ANKRD42: variants seen among roughly 807,000 people sequenced by gnomAD.
The protein encoded by ANKRD42 is ankyrin repeat domain-containing protein 42.
Under a neutral mutation model 51.5 loss-of-function variants are expected in ANKRD42, and 43 were observed. The ratio of observed to expected loss-of-function variants is 0.83; its 90% CI spans 0.65 to 1.08. The LOEUF is 1.08. ANKRD42 is among the 50% of genes least tolerant of loss of function. ANKRD42 has a pLI of 0.00. For synonymous variants in ANKRD42, 203 were observed against 213.0 expected (o/e 0.95, Z 0.41); for missense variants, 608 against 629.3 (o/e 0.97, Z 0.36).
intron 2 of ANKRD42, among the ~76,000 whole-genome samples, chr11:83,203,693 T>G (rs1861959026): frequency 6.6e-6 from 1 of 152,136 alleles, no homozygotes; most frequent in Non-Finnish European, 1.5e-5. Context: ...CGTCTGGCCC[T>G]AAATCTTTAC....
At chr11:83,218,289 C>G (rs1033724497) in intron 5 of ANKRD42, among the ~76,000 whole-genome samples, 8 of 152,166 alleles carry the variant, frequency 5.3e-5, no homozygotes, top group African/African-American at 1.7e-4. Flanking sequence ...AGTCAGTATC[C>G]TAATGAGGGT....
chr11:83,216,936 T>G (rs1238580494), intron 5 of ANKRD42, among the ~76,000 whole-genome samples: 1 of 152,108 alleles, frequency 6.6e-6, no homozygotes, highest in East Asian at 1.9e-4. Context: ...TCCTGCTGGT[T>G]AGGGGCGAAG....
At chr11:83,239,001 C>A (rs1863306602) in intron 8 of ANKRD42, among the ~76,000 whole-genome samples, 3 of 73,760 alleles carry the variant, frequency 4.1e-5, no homozygotes. Flanking sequence ...TGAGCTAGAC[C>A]CTCAAAAAAA....
chr11:83,236,277 CA>C (rs1010269858), intron 7 of ANKRD42, 126 bp from the exon 8 acceptor site: 4 of 558,112 alleles, frequency 7.2e-6, no homozygotes, highest in Non-Finnish European at 1.2e-5. Context: ...GTACTTTTGC[CA>C]GTTACTGCAA....
intron 6 of ANKRD42, among the ~76,000 whole-genome samples, chr11:83,226,701 C>G (rs866759222): frequency 6.6e-6 from 1 of 152,100 alleles, no homozygotes; most frequent in East Asian, 1.9e-4. Flanking sequence ...GTAATCCTAG[C>G]TACCCGGGAG....
At chr11:83,245,015 C>G (rs982935739) in intron 9 of ANKRD42, among the ~76,000 whole-genome samples, 3 of 152,072 alleles carry the variant, frequency 2.0e-5, no homozygotes, top group Non-Finnish European at 4.4e-5. Flanking sequence ...AGTGATTTTC[C>G]TGCCTCAGCC....
At chr11:83,209,845 C>G (rs999606201) in intron 3 of ANKRD42, 58 of 515,632 alleles carry the variant, frequency 1.1e-4, no homozygotes, top group Non-Finnish European at 2.0e-4. Context: ...GCTCTGTGGA[C>G]CCACAGCCTC....
chr11:83,206,360 T>G (rs987257415), intron 3 of ANKRD42, among the ~76,000 whole-genome samples, 195 bp downstream of exon 3: 1 of 152,188 alleles, frequency 6.6e-6, no homozygotes, highest in Non-Finnish European at 1.5e-5. Flanking sequence ...AATCCTCTTA[T>G]CTCTGATGTA....
chr11:83,255,797 T>A (rs1565201251), intron 11 of ANKRD42: 1 of 1,422,736 alleles, frequency 7.0e-7, no homozygotes. Context: ...GACGAAAATG[T>A]GTGCTAGCAT....
At chr11:83,216,536 G>T (rs1206646098) in intron 5 of ANKRD42, among the ~76,000 whole-genome samples, 1 of 151,954 alleles carries the variant, frequency 6.6e-6, no homozygotes, top group Non-Finnish European at 1.5e-5. Context: ...GTGTTAGCCA[G>T]GATGGTCTCG....
At chr11:83,216,166 C>G (rs528437816) in intron 5 of ANKRD42, among the ~76,000 whole-genome samples, 99 of 152,216 alleles carry the variant, frequency 6.5e-4, no homozygotes, top group Non-Finnish European at 1.2e-3. Context: ...TTAGATTTGT[C>G]TTTTAGTCTC....
chr11:83,198,173 A>G (rs1366826937), intron 1 of ANKRD42, among the ~76,000 whole-genome samples: 1 of 152,060 alleles, frequency 6.6e-6, no homozygotes, highest in African/African-American at 2.4e-5. Flanking sequence ...ATTTTTCTGT[A>G]TTTGTCTCTC....
intron 9 of ANKRD42, among the ~76,000 whole-genome samples, chr11:83,244,167 G>T (rs1461913851): frequency 6.6e-6 from 1 of 151,812 alleles, no homozygotes; most frequent in Non-Finnish European, 1.5e-5. Context: ...TTTTAGTAGA[G>T]ATGGGGTTTC....
At chr11:83,251,721 T>C (rs898942411), downstream of ANKRD42, among the ~76,000 whole-genome samples, 2 of 152,190 alleles carry the variant, frequency 1.3e-5, no homozygotes, top group Non-Finnish European at 2.9e-5. Context: ...TAAATTAATT[T>C]AGTAAATTAA....
intron 1 of ANKRD42, among the ~76,000 whole-genome samples, chr11:83,194,940 CCT>C (rs1404996184): frequency 1.3e-5 from 2 of 152,176 alleles, no homozygotes; most frequent in African/African-American, 4.8e-5. Context: ...CCACACTATT[CCT>C]CCGAGTCTTC....
intron 10 of ANKRD42, among the ~76,000 whole-genome samples, chr11:83,246,674 TC>T (rs1204195572): frequency 1.3e-5 from 2 of 152,200 alleles, no homozygotes; most frequent in East Asian, 3.8e-4. Context: ...CGTGTCTTGT[TC>T]CGTCACACTC....
chr11:83,226,896 A>T (rs574188222), intron 6 of ANKRD42, among the ~76,000 whole-genome samples: 1 of 152,296 alleles, frequency 6.6e-6, no homozygotes, highest in African/African-American at 2.4e-5. Flanking sequence ...TATTTAAAGT[A>T]TATGGGAGGG....
intron 6 of ANKRD42, among the ~76,000 whole-genome samples, chr11:83,227,126 G>A (rs1203638506): frequency 2.0e-5 from 3 of 152,070 alleles, no homozygotes; most frequent in South Asian, 2.1e-4. Context: ...ACTGCAGGCC[G>A]TGAGAACAAG....
At chr11:83,260,967 TAAG>T (rs1863901232), downstream of ANKRD42, 1 of 152,194 alleles carries the variant, frequency 6.6e-6, no homozygotes. Flanking sequence ...TAAACTACAT[TAAG>T]AAGCAGGGAT....
Sources: gnomAD v4.1 joint callset for allele counts (sites outside exome capture counted in the v4.1 genomes callset) on GRCh38, gnomAD v4.1.1 for gene constraint, MANE v1.5 for transcripts, NCBI Gene and HGNC (gene_info 2026-07-23, HGNC 2026-07-21) for gene names.